The following JPH3 variants were observed in gnomAD, a reference collection of about 807,000 sequenced individuals.
JPH3 encodes junctophilin-3.
Under a neutral mutation model 59.6 loss-of-function variants are expected in JPH3, and 11 were observed. The observed-to-expected ratio is 0.18, with a 90% CI of 0.12 to 0.31. The LOEUF is 0.31. Ranked by LOEUF, JPH3 falls within the 10% of genes least tolerant of loss-of-function variation. The pLI, the probability that JPH3 is intolerant of heterozygous loss-of-function variation, is 1.00. For synonymous variants in JPH3, 673 were observed against 483.6 expected, an observed-to-expected ratio of 1.39 and a Z score of -5.14; for missense variants, 1,202 against 1,105.7, an observed-to-expected ratio of 1.09 and a Z score of -1.24.
Position 87,644,386 on chromosome 16 carries a change from C to T in JPH3, c.511C>T (p.His171Tyr), listed in dbSNP as rs1597257181. The T allele has an allele frequency of 2.5e-6, 4 of 1,612,810 alleles. No homozygotes were observed. Among genetic ancestry groups the T allele is most frequent in the Non-Finnish European group, 3.4e-6 (4 of 1,179,852 alleles). ...GTCCATCAACTCCCTGCGCAGCGAGCACACCAACGGCACGGCGCTGCATCC... is the reference window on the plus strand; with the variant it reads ...GTCCATCAACTCCCTGCGCAGCGAGTACACCAACGGCACGGCGCTGCATCC... Reference protein sequence around the residue: ...RTSINSLRSEHTNGTALHPDA... With the variant: ...RTSINSLRSEYTNGTALHPDA... Residue 171 changes from histidine (H) to tyrosine (Y), a missense_variant, in exon 2 of 5, where the codon CAC becomes TAC. By Grantham distance (83) the His-to-Tyr change is moderately conservative. Transcript: ENST00000284262.
At chr16:87,689,050 G>T (rs981096083) in intron 3 of JPH3, among the ~76,000 whole-genome samples, 1 of 152,138 alleles carries the variant, frequency 6.6e-6, no homozygotes, top group Non-Finnish European at 1.5e-5. Flanking sequence ...CCTGGGTCCT[G>T]TGGTGACCTC....
chr16:87,636,856 ACAGGTGTGGAAACTAACT>A (rs1197031444), intron 1 of JPH3, among the ~76,000 whole-genome samples: 1 of 152,216 alleles, frequency 6.6e-6, no homozygotes, highest in Non-Finnish European at 1.5e-5. Context: ...ACCCTATCTT[ACAGGTGTGGAAACTAACT>A]CAGCTCCGAG....
At position 87,611,634 on chromosome 16, in the gene JPH3, C is replaced by T. The variant is rs1254638495; in HGVS notation, c.382+8106C>T. ...GTCTGAGTTGGGCAGGACATGGGCC[C>T]GCCTCTGTCTGCTGCTCTATGCCAG... On this transcript the variant is annotated intron_variant, in intron 1 of 4. Transcript: ENST00000284262. The surrounding 1 kb of genome is among the most constrained non-coding windows in gnomAD (Gnocchi z 4.5). 2.6e-5 allele frequency among the ~76,000 whole-genome samples: 4 copies of T among 152,128 alleles called. No individual in the cohort carries two copies. In the East Asian group the frequency reaches 7.7e-4, roughly 29 times the overall value.
At chr16:87,661,979 C>G (rs2032719060) in intron 2 of JPH3, among the ~76,000 whole-genome samples, 1 of 152,242 alleles carries the variant, frequency 6.6e-6, no homozygotes, top group South Asian at 2.1e-4. Flanking sequence ...CAGATTCGTC[C>G]TGTTATTTAG....
chr16:87,693,268 G>T (rs1480079751), intron 4 of JPH3, among the ~76,000 whole-genome samples: 1 of 152,232 alleles, frequency 6.6e-6, no homozygotes, highest in Non-Finnish European at 1.5e-5. Context: ...GTGCCCCCTA[G>T]GCAGCACCTC....
In JPH3 at chr16:87,644,240, C is replaced by G. The variant is rs774476228; in HGVS notation, c.383-18C>G. The G allele has an allele frequency of 4.4e-6, 7 of 1,587,412 alleles. No homozygotes were observed. Among genetic ancestry groups the G allele is most frequent in the African/African-American group, 1.4e-5 (1 of 74,064 alleles). ...CCTCTGTCGCTGGGCACTCACCCCTCTCTCATTTTCTCCCCAGGGACCTAC... is the reference window on the plus strand; with the variant it reads ...CCTCTGTCGCTGGGCACTCACCCCTGTCTCATTTTCTCCCCAGGGACCTAC... On this transcript the variant is annotated intron_variant, in intron 1 of 4. Coordinates refer to ENST00000284262, the MANE Select transcript of JPH3 (RefSeq NM_020655.4).
At chr16:87,651,104 A>G (rs1434536623) in intron 2 of JPH3, among the ~76,000 whole-genome samples, 18 of 152,234 alleles carry the variant, frequency 1.2e-4, no homozygotes, top group Non-Finnish European at 7.3e-5. Flanking sequence ...CCTAGGGCCC[A>G]TAAGAATTGT....
chr16:87,620,605 C>T (rs893939811), intron 1 of JPH3, among the ~76,000 whole-genome samples: 1 of 152,078 alleles, frequency 6.6e-6, no homozygotes, highest in Non-Finnish European at 1.5e-5. Flanking sequence ...TTGTTCCTCG[C>T]CCCTCCCTTC....
At chr16:87,657,595 C>T (rs996344694) in intron 2 of JPH3, among the ~76,000 whole-genome samples, 25 of 152,250 alleles carry the variant, frequency 1.6e-4, no homozygotes, top group Non-Finnish European at 2.9e-4. Flanking sequence ...TTGTATTAAA[C>T]GAGAAAAACT....
intron 4 of JPH3, chr16:87,694,619 C>G (rs969040073): frequency 2.6e-5 from 4 of 152,616 alleles, no homozygotes; most frequent in Non-Finnish European, 5.9e-5. Flanking sequence ...CCCTGGAGAG[C>G]TGACTTCATG....
intron 2 of JPH3, among the ~76,000 whole-genome samples, chr16:87,646,174 G>C (rs139883108): frequency 6.6e-6 from 1 of 152,362 alleles, no homozygotes; most frequent in Non-Finnish European, 1.5e-5. Context: ...CTCCCAGCCT[G>C]GGTGCGGCTC....
rs765015668 is a variant in JPH3, at chr16:87,697,996, C to T, written c.*1336C>T. 3.3e-5 allele frequency: 5 copies of T among 152,618 alleles called. No homozygotes were observed. The highest frequency in any genetic ancestry group is 1.9e-4 in the East Asian group (1 of 5,188). 9.5% of individuals were successfully genotyped at this position (152,618 alleles called of 1,614,324 possible). A position where few individuals can be genotyped will look rare whatever the true frequency, so the allele number is the denominator to read the frequency against. ...GGAGGCGCTGCAGGGATTCCCCATC[C>T]GGTCGTCTTGGGGCCAGCCCGTCTT... On this transcript the variant is annotated 3_prime_UTR_variant, in exon 5 of 5. Coordinates refer to ENST00000284262, the MANE Select transcript of JPH3 (RefSeq NM_020655.4).
chr16:87,687,830 A>C (rs2033455034), intron 3 of JPH3, among the ~76,000 whole-genome samples: 1 of 152,140 alleles, frequency 6.6e-6, no homozygotes, highest in Non-Finnish European at 1.5e-5. Flanking sequence ...CCTGGTGGGA[A>C]AGGCCGGGGC....
chr16:87,668,961 G>A (rs1000623672), intron 2 of JPH3, among the ~76,000 whole-genome samples: 2 of 152,098 alleles, frequency 1.3e-5, no homozygotes, highest in Non-Finnish European at 2.9e-5. Context: ...AGCTGCACAC[G>A]CATTACAAAC....
At chr16:87,653,068 G>A (rs74333050) in intron 2 of JPH3, among the ~76,000 whole-genome samples, 4 of 144,736 alleles carry the variant, frequency 2.8e-5, no homozygotes, top group Admixed American at 1.3e-4. Flanking sequence ...GTCAGTGCCT[G>A]CGGGGGGGAC....
At chr16:87,637,866 C>T (rs890248928) in intron 1 of JPH3, among the ~76,000 whole-genome samples, 1 of 152,056 alleles carries the variant, frequency 6.6e-6, no homozygotes, top group Non-Finnish European at 1.5e-5. Context: ...CGTGCGGGGG[C>T]TGCTGGTGTT....
chr16:87,671,335 C>T (rs764417373), intron 2 of JPH3, among the ~76,000 whole-genome samples: 1 of 152,210 alleles, frequency 6.6e-6, no homozygotes, highest in Non-Finnish European at 1.5e-5. Context: ...CACCACTGCC[C>T]TCTGACCCGT....
chr16:87,662,689 C>G (rs2032743510), intron 2 of JPH3, among the ~76,000 whole-genome samples: 1 of 152,220 alleles, frequency 6.6e-6, no homozygotes, highest in Admixed American at 6.5e-5. Flanking sequence ...GAAGTGCATA[C>G]CTGCCTTGGG....
chr16:87,656,403 G>A (rs1455423689), intron 2 of JPH3, among the ~76,000 whole-genome samples: 2 of 152,204 alleles, frequency 1.3e-5, no homozygotes, highest in Non-Finnish European at 2.9e-5. Context: ...ATTTGTTGGG[G>A]GACTTACAGA....
Sources: allele counts gnomAD v4.1 joint callset (sites outside exome capture counted in the v4.1 genomes callset), GRCh38; gene constraint gnomAD v4.1.1; non-coding constraint Gnocchi (gnomAD v3.1); transcripts MANE v1.5; gene names NCBI Gene and HGNC (gene_info 2026-07-23, HGNC 2026-07-21).